The following MCTP1 variants were observed in gnomAD, a reference collection of about 807,000 sequenced individuals.
The protein encoded by MCTP1 is multiple C2 and transmembrane domain-containing protein 1.
Under a neutral mutation model 120.6 loss-of-function variants are expected in MCTP1, and 69 were observed. That is an observed-to-expected ratio of 0.57 (90% CI 0.47 to 0.70). The LOEUF is 0.70. Among genes scored for constraint, MCTP1 ranks in the 30% least tolerant of loss-of-function variants. MCTP1 has a pLI of 0.00. For synonymous variants in MCTP1, 529 were observed against 493.1 expected, an observed-to-expected ratio of 1.07 and a Z score of -0.96; for missense variants, 1,203 against 1,248.8, an observed-to-expected ratio of 0.96 and a Z score of 0.55.
At chr5:95,244,218 A>G (rs562335307) in intron 1 of MCTP1, among the ~76,000 whole-genome samples, 39 of 152,372 alleles carry the variant, frequency 2.6e-4, no homozygotes, top group African/African-American at 9.4e-4. Flanking sequence ...AAACTGAAGT[A>G]TAAATGTACA....
At chr5:95,054,910 C>T (rs563618050) in intron 1 of MCTP1, among the ~76,000 whole-genome samples, 48 of 152,060 alleles carry the variant, frequency 3.2e-4, no homozygotes, top group Non-Finnish European at 6.5e-4. Context: ...CAAGATCAAG[C>T]GATTCTCCTG....
chr5:94,982,829 C>T (rs1234859909), intron 2 of MCTP1, among the ~76,000 whole-genome samples: 2 of 130,986 alleles, frequency 1.5e-5, no homozygotes, highest in Non-Finnish European at 3.1e-5. Flanking sequence ...GAAGAGGCTG[C>T]AGTGAGCCAA....
intron 1 of MCTP1, among the ~76,000 whole-genome samples, chr5:95,040,454 A>G (rs1289467326): frequency 5.3e-5 from 8 of 152,012 alleles, no homozygotes; most frequent in Non-Finnish European, 8.8e-5. Context: ...AAAAAAAAAA[A>G]AAAGAAAGAA....
intron 1 of MCTP1, among the ~76,000 whole-genome samples, chr5:95,047,196 T>C (rs1385755342): frequency 6.6e-6 from 1 of 152,156 alleles, no homozygotes; most frequent in Non-Finnish European, 1.5e-5. Context: ...CCGTTTGCTT[T>C]CCCATGTACT....
chr5:94,882,127 A>C (rs1057390078), intron 12 of MCTP1, among the ~76,000 whole-genome samples: 1 of 152,198 alleles, frequency 6.6e-6, no homozygotes, highest in Non-Finnish European at 1.5e-5. Context: ...TTTAATGTTC[A>C]TCTTGTTGAA....
intron 10 of MCTP1, among the ~76,000 whole-genome samples, chr5:94,908,860 C>T (rs111591052): frequency 6.2e-4 from 95 of 152,046 alleles, no homozygotes; most frequent in African/African-American, 3.9e-4. Context: ...CCTTGTAGGG[C>T]GTTGTAGAAA....
intron 1 of MCTP1, among the ~76,000 whole-genome samples, chr5:95,079,856 T>G (rs2152311423): frequency 6.6e-6 from 1 of 151,568 alleles, no homozygotes; most frequent in South Asian, 2.1e-4. Context: ...AGTTAAGAGG[T>G]TTTAAAGCGA....
At chr5:95,213,727 G>C (rs531288149) in intron 1 of MCTP1, among the ~76,000 whole-genome samples, 1 of 152,118 alleles carries the variant, frequency 6.6e-6, no homozygotes, top group African/African-American at 2.4e-5. Flanking sequence ...ACAACTATCT[G>C]ATCTTTGACA....
At position 95,011,387 on chromosome 5, in the gene MCTP1, A is replaced by G. The variant is rs144907977; in HGVS notation, c.838+5980T>C. Among the ~76,000 whole-genome samples, 705 of 152,000 alleles carry G rather than the reference A, an allele frequency of 4.6e-3. 6 individuals carry two copies. Among genetic ancestry groups the G allele is most frequent in the African/African-American group, 0.017 (684 of 41,442 alleles). On this transcript the variant is annotated intron_variant, in intron 2 of 22. Coordinates refer to ENST00000515393, the MANE Select transcript of MCTP1 (RefSeq NM_024717.7). ...TCTTCAATTATTTATCAGCTCAAAG[A>G]TATTTATCTTATTCTATGGGTTTTA... is the stretch of plus-strand genomic sequence containing the variant.
intron 17 of MCTP1, among the ~76,000 whole-genome samples, chr5:94,861,370 C>G (rs1012090460): frequency 2.0e-5 from 3 of 151,822 alleles, no homozygotes; most frequent in Admixed American, 1.3e-4. Context: ...ATCTGCACAT[C>G]TAGTCAACAC....
intron 1 of MCTP1, among the ~76,000 whole-genome samples, chr5:95,201,563 G>A (rs987218891): frequency 8.4e-6 from 1 of 119,596 alleles, no homozygotes; most frequent in African/African-American, 3.2e-5. Flanking sequence ...GGAGCACATT[G>A]GTGCTATCTT....
chr5:94,868,890 T>C (rs969644039), intron 16 of MCTP1, among the ~76,000 whole-genome samples: 1 of 152,000 alleles, frequency 6.6e-6, no homozygotes, highest in Non-Finnish European at 1.5e-5. Context: ...CCAGAATTGC[T>C]TTTTTATAGA....
rs554311318 is a variant in MCTP1 at position 95,188,611 on chromosome 5, C to T, written c.720+95245G>A. On this transcript the variant is annotated intron_variant, in intron 1 of 22. Transcript: ENST00000515393. ...TTAAAAGTTGCATATTATATGATTC[C>T]GTTTAAATAGCATTCTTGAAATAAC... is the stretch of plus-strand genomic sequence containing the variant. Among the ~76,000 whole-genome samples, 132 of 152,086 alleles carry T rather than the reference C, an allele frequency of 8.7e-4. 2 individuals carry two copies. The highest frequency in any genetic ancestry group is 6.8e-3 in the Middle Eastern group (2 of 294).
chr5:94,784,330 T>C (rs561819689), intron 18 of MCTP1, among the ~76,000 whole-genome samples: 2 of 152,164 alleles, frequency 1.3e-5, no homozygotes, highest in South Asian at 4.1e-4. Flanking sequence ...TTATTATACG[T>C]GTAAGTATGA....
intron 8 of MCTP1, 105 bp from the exon 9 acceptor site, chr5:94,913,081 CG>C: frequency 1.6e-6 from 1 of 608,018 alleles, no homozygotes; most frequent in Non-Finnish European, 2.7e-6. Flanking sequence ...AATAAAGGAT[CG>C]GCAATTATAA....
At chr5:94,765,158 G>T (rs1183467571) in intron 19 of MCTP1, among the ~76,000 whole-genome samples, 1 of 152,006 alleles carries the variant, frequency 6.6e-6, no homozygotes, top group Non-Finnish European at 1.5e-5. Flanking sequence ...TTGGGTCAAT[G>T]AAGTCATTAA....
chr5:95,073,598 GGAA>G (rs1416671662), intron 1 of MCTP1, among the ~76,000 whole-genome samples: 4 of 152,180 alleles, frequency 2.6e-5, no homozygotes, highest in Admixed American at 2.6e-4. Flanking sequence ...CCCAAGATAT[GGAA>G]GAAGATGACA....
intron 1 of MCTP1, among the ~76,000 whole-genome samples, chr5:95,168,251 T>C (rs1019789215): frequency 3.9e-5 from 6 of 152,106 alleles, no homozygotes; most frequent in Non-Finnish European, 5.9e-5. Flanking sequence ...TTCCATTGGT[T>C]TATTTCTCTG....
At chr5:95,117,289 G>A (rs1582285418) in intron 1 of MCTP1, among the ~76,000 whole-genome samples, 1 of 151,598 alleles carries the variant, frequency 6.6e-6, no homozygotes, top group South Asian at 2.1e-4. Flanking sequence ...TACTCAGGAG[G>A]CTGAGGCCGG....
Sources: gnomAD v4.1 joint callset for allele counts (sites outside exome capture counted in the v4.1 genomes callset) on GRCh38, gnomAD v4.1.1 for gene constraint, MANE v1.5 for transcripts, NCBI Gene and HGNC (gene_info 2026-07-23, HGNC 2026-07-21) for gene names.